DIAPH2: variants seen among roughly 807,000 people sequenced by gnomAD.
The protein encoded by DIAPH2 is protein diaphanous homolog 2.
DIAPH2 carries 35 observed loss-of-function variants against 92.7 expected under a neutral mutation model. The ratio of observed to expected loss-of-function variants is 0.38; its 90% CI spans 0.29 to 0.50. DIAPH2 has a LOEUF of 0.50. Ranked by LOEUF, DIAPH2 falls within the 20% of genes least tolerant of loss-of-function variation. The pLI is 0.94. For synonymous variants in DIAPH2, 301 were observed against 280.4 expected (o/e 1.07, Z -0.73); for missense variants, 701 against 819.5 (o/e 0.86, Z 1.77).
chrX:96,933,500 G>A (rs1344819642), intron 10 of DIAPH2, among the ~76,000 whole-genome samples: 3 of 102,728 alleles, frequency 2.9e-5, no homozygotes, highest in African/African-American at 1.1e-4. Context: ...GCTAATTTTT[G>A]TGTATATATA....
rs969774446 is a variant in DIAPH2, at chrX:97,276,148, G to C, written c.2844+28309G>C. ...GAAAACCAGTCAGGCGTGGCGGCGCGTGCCTGCAGTCGCAGGCACTCGGCA... is the reference window on the plus strand; with the variant it reads ...GAAAACCAGTCAGGCGTGGCGGCGCCTGCCTGCAGTCGCAGGCACTCGGCA... On this transcript the variant is annotated intron_variant, in intron 23 of 26. Transcript: ENST00000324765. Among the ~76,000 whole-genome samples, 5 of 110,332 alleles carry C rather than the reference G, an allele frequency of 4.5e-5. No individual in the cohort carries two copies. In the East Asian group the frequency reaches 1.2e-3, roughly 26 times the overall value.
At chrX:96,772,649 A>G (rs2064346725) in intron 4 of DIAPH2, among the ~76,000 whole-genome samples, 1 of 112,305 alleles carries the variant, frequency 8.9e-6, no homozygotes, top group Non-Finnish European at 1.9e-5. Flanking sequence ...GGATACCATG[A>G]TTATTACATT....
chrX:97,257,478 G>A (rs1364230007), intron 23 of DIAPH2, among the ~76,000 whole-genome samples: 1 of 111,497 alleles, frequency 9.0e-6, no homozygotes, highest in Non-Finnish European at 1.9e-5. Context: ...CGTATCGAAA[G>A]CAAATATCTA....
intron 4 of DIAPH2, among the ~76,000 whole-genome samples, chrX:96,760,460 C>A (rs1323468473): frequency 9.0e-6 from 1 of 110,919 alleles, no homozygotes; most frequent in Admixed American, 9.6e-5. Context: ...GAGCTAGAGT[C>A]CCTGGTGGAG....
intron 23 of DIAPH2, among the ~76,000 whole-genome samples, chrX:97,265,372 A>G (rs1282854248): frequency 8.9e-6 from 1 of 111,891 alleles, no homozygotes; most frequent in Non-Finnish European, 1.9e-5. Context: ...AGTCTCAGAG[A>G]GTAATGAAAC....
intron 22 of DIAPH2, among the ~76,000 whole-genome samples, chrX:97,171,608 T>C (rs1216162493): frequency 8.9e-6 from 1 of 112,106 alleles, no homozygotes; most frequent in Non-Finnish European, 1.9e-5. Flanking sequence ...ATGGGTAGAA[T>C]TGCAGCAGTT....
intron 1 of DIAPH2, among the ~76,000 whole-genome samples, chrX:96,732,875 T>C (rs2064064317): frequency 8.9e-6 from 1 of 112,058 alleles, no homozygotes. Flanking sequence ...AAAGAGGACA[T>C]CATGGGAGTA....
chrX:96,929,371 T>C (rs2065604541), intron 9 of DIAPH2, among the ~76,000 whole-genome samples: 1 of 111,484 alleles, frequency 9.0e-6, no homozygotes, highest in South Asian at 3.7e-4. Flanking sequence ...GTTGCCTAAG[T>C]GTTTTATCTT....
At chrX:96,970,770 A>G (rs752516219) in intron 17 of DIAPH2, among the ~76,000 whole-genome samples, 46 of 110,559 alleles carry the variant, frequency 4.2e-4, no homozygotes, top group Non-Finnish European at 7.4e-4. Flanking sequence ...TTCATTTCCT[A>G]TGCTAGCTTT....
chrX:97,461,840 A>G (rs948410166), intron 26 of DIAPH2, among the ~76,000 whole-genome samples: 2 of 111,629 alleles, frequency 1.8e-5, no homozygotes, highest in Non-Finnish European at 3.8e-5. Flanking sequence ...TCCACTAAAT[A>G]CTTTGTTATT....
At chrX:96,759,545 T>G (rs1396894312) in intron 4 of DIAPH2, among the ~76,000 whole-genome samples, 2 of 111,876 alleles carry the variant, frequency 1.8e-5, no homozygotes, top group South Asian at 7.4e-4. Context: ...ATTTTTGCAC[T>G]CAAGTTATTG....
chrX:97,187,871 A>T (rs996899066), intron 22 of DIAPH2, among the ~76,000 whole-genome samples: 1 of 111,444 alleles, frequency 9.0e-6, no homozygotes, highest in Non-Finnish European at 1.9e-5. Context: ...TGCTAATACA[A>T]ATATTAATAG....
chrX:97,514,439 T>C (rs1374319297), intron 26 of DIAPH2, among the ~76,000 whole-genome samples: 6 of 113,219 alleles, frequency 5.3e-5, no homozygotes, highest in Non-Finnish European at 1.1e-4. Context: ...TTTCAACTTC[T>C]TTGCCTTTGG....
intron 22 of DIAPH2, among the ~76,000 whole-genome samples, chrX:97,212,928 T>C (rs2067852826): frequency 8.9e-6 from 1 of 111,894 alleles, no homozygotes; most frequent in Non-Finnish European, 1.9e-5. Flanking sequence ...ATTGGTTAAA[T>C]AGTTGAAGTT....
At chrX:97,421,110 G>GT (rs972395317) in intron 25 of DIAPH2, among the ~76,000 whole-genome samples, 1 of 111,650 alleles carries the variant, frequency 9.0e-6, no homozygotes, top group Non-Finnish European at 1.9e-5. Flanking sequence ...AGTTGCTGAG[G>GT]TTTTTTTGAT....
chrX:97,200,626 C>A (rs910881926), intron 22 of DIAPH2, among the ~76,000 whole-genome samples: 10 of 112,035 alleles, frequency 8.9e-5, no homozygotes, highest in Non-Finnish European at 1.3e-4. Context: ...AGGGGCGGGG[C>A]CTCTCTGAAG....
chrX:97,402,281 T>G (rs1446460168), intron 25 of DIAPH2, among the ~76,000 whole-genome samples: 1 of 110,214 alleles, frequency 9.1e-6, no homozygotes, highest in Non-Finnish European at 1.9e-5. Context: ...ACCAGAGAAT[T>G]TCTTAAGTAG....
At chrX:97,339,554 T>TA (rs2147678586) in intron 23 of DIAPH2, among the ~76,000 whole-genome samples, 1 of 111,634 alleles carries the variant, frequency 9.0e-6, no homozygotes, top group Admixed American at 9.5e-5. Flanking sequence ...TTGTGGGACT[T>TA]ATGATAAATG....
At chrX:96,930,671 T>C in intron 9 of DIAPH2, 62 bp from the exon 10 acceptor site, 1 of 816,418 alleles carries the variant, frequency 1.2e-6, no homozygotes, top group Non-Finnish European at 1.8e-6. Flanking sequence ...TATATTATCT[T>C]AATGCATTAT....
Sources: gnomAD v4.1 joint callset for allele counts (sites outside exome capture counted in the v4.1 genomes callset) on GRCh38, gnomAD v4.1.1 for gene constraint, MANE v1.5 for transcripts, NCBI Gene and HGNC (gene_info 2026-07-23, HGNC 2026-07-21) for gene names.